Variants in NOL4L observed in about 807,000 individuals in gnomAD.
NOL4L encodes nucleolar protein 4 like.
A neutral mutation model predicts 64.5 loss-of-function variants in NOL4L; 7 were observed. That is an observed-to-expected ratio of 0.11 (90% CI 0.06 to 0.20). The LOEUF (loss-of-function observed/expected upper bound fraction) is 0.20. Ranked by LOEUF, NOL4L falls within the 10% of genes least tolerant of loss-of-function variation. The pLI is 1.00. For synonymous variants in NOL4L, 413 were observed against 401.0 expected, an observed-to-expected ratio of 1.03 and a Z score of -0.36; for missense variants, 680 against 967.1, an observed-to-expected ratio of 0.70 and a Z score of 3.94.
rs1319887931 is a variant in NOL4L, at chr20:32,545,931, CT to C, written c.322-18019del. On this transcript the variant is annotated intron_variant, in intron 1 of 10. Coordinates refer to ENST00000621426, the MANE Select transcript of NOL4L (RefSeq NM_001256798.2). ...TTTACAAGACACTTAGGTTGTAATT[CT>C]TTTTTTTTCTTTCTTTTCTTTTTTT... Among the ~76,000 whole-genome samples the C allele has an allele frequency of 4.6e-3, 685 of 147,802 alleles. 9 individuals carry two copies. The highest frequency in any genetic ancestry group is 0.016 in the African/African-American group (646 of 39,434).
intron 4 of NOL4L, among the ~76,000 whole-genome samples, chr20:32,507,382 A>G (rs913047164): frequency 1.3e-5 from 2 of 152,170 alleles, no homozygotes; most frequent in Admixed American, 1.3e-4. Context: ...TGAGGACACT[A>G]TAAATATTGG....
In NOL4L at chr20:32,529,826, A is replaced by G. The variant is rs568915512; in HGVS notation, c.322-1913T>C. Among the ~76,000 whole-genome samples, 3 of 152,318 alleles carry G rather than the reference A, an allele frequency of 2.0e-5. No homozygotes were observed. The East Asian group carries it at 5.8e-4, about 29-fold the overall frequency. On this transcript the variant is annotated intron_variant, in intron 1 of 10. Coordinates refer to ENST00000621426, the MANE Select transcript of NOL4L (RefSeq NM_001256798.2). Reference sequence around the variant, plus strand: ...ATCTCTCTCTCTCTGTGTGTACAGGAGAAGCCACTTGCTGGTCCAGCTTCC... The same window carrying G: ...ATCTCTCTCTCTCTGTGTGTACAGGGGAAGCCACTTGCTGGTCCAGCTTCC...
intron 10 of NOL4L, among the ~76,000 whole-genome samples, chr20:32,450,764 C>T (rs1299064218): frequency 1.3e-5 from 2 of 152,170 alleles, no homozygotes; most frequent in African/African-American, 4.8e-5. Context: ...CTGCTGAGCC[C>T]CAGACCCCCA....
Position 32,446,659 on chromosome 20 carries a change from G to GCTCT in NOL4L, c.*933_*936dup, listed in dbSNP as rs1411179991. On this transcript the variant is annotated 3_prime_UTR_variant, in exon 11 of 11. Coordinates refer to ENST00000621426, the MANE Select transcript of NOL4L (RefSeq NM_001256798.2). Reference sequence around the variant, plus strand: ...TGCAGTGGCTGGTTAGGGACAGGACGCTCTCTGGGTTCCAGCTCCTGGACA... The same window carrying GCTCT: ...TGCAGTGGCTGGTTAGGGACAGGACGCTCTCTCTCTGGGTTCCAGCTCCTGGACA... 1 of 153,776 alleles carries GCTCT rather than the reference G, an allele frequency of 6.5e-6. No homozygotes were observed. Among genetic ancestry groups the GCTCT allele is most frequent in the Non-Finnish European group, 1.4e-5 (1 of 69,074 alleles). The allele number at this position is 153,776 out of a possible 1,614,324, so 9.5% of individuals were successfully genotyped here.
At chr20:32,482,472 A>G (rs1420137942) in intron 4 of NOL4L, among the ~76,000 whole-genome samples, 1 of 152,096 alleles carries the variant, frequency 6.6e-6, no homozygotes, top group Non-Finnish European at 1.5e-5. Flanking sequence ...GGCTGGAATA[A>G]AAATGCGGAT....
chr20:32,528,210 G>A (rs963100009), intron 1 of NOL4L, among the ~76,000 whole-genome samples: 5 of 152,204 alleles, frequency 3.3e-5, no homozygotes, highest in Non-Finnish European at 5.9e-5. Context: ...AGACTCGGGC[G>A]GGGAGCTCTT....
chr20:32,491,641 C>T (rs905476044), intron 4 of NOL4L, among the ~76,000 whole-genome samples: 2 of 152,142 alleles, frequency 1.3e-5, no homozygotes, highest in East Asian at 1.9e-4. Flanking sequence ...CAGAATGAAG[C>T]GGGCCATCCT....
rs568280313 is a variant in NOL4L at position 32,475,286 on chromosome 20, A to G, written c.700-544T>C. On this transcript the variant is annotated intron_variant, in intron 4 of 10. Transcript: ENST00000621426. ...GACGTTTCTGTCTTCCTCCTTCCTA[A>G]CCTTTGCTGTGCTTCAAAGATACGC... The G allele has an allele frequency of 2.5e-5, 25 of 985,324 alleles. No individual in the cohort carries two copies. In the African/African-American group the frequency reaches 3.8e-4, roughly 15 times the overall value. The allele number at this position is 985,324 out of a possible 1,614,324, so 61.0% of individuals were successfully genotyped here.
chr20:32,500,119 TA>T (rs2016858271), intron 4 of NOL4L, among the ~76,000 whole-genome samples: 2 of 152,098 alleles, frequency 1.3e-5, no homozygotes. Flanking sequence ...AAAATGAAAA[TA>T]AAAACATGTA....
At chr20:32,544,185 G>A (rs1439402508) in intron 1 of NOL4L, among the ~76,000 whole-genome samples, 1 of 152,034 alleles carries the variant, frequency 6.6e-6, no homozygotes, top group Non-Finnish European at 1.5e-5. Context: ...GAGAAGAAGG[G>A]GTGAGAGAGA....
chr20:32,474,075 C>G (rs931256604), intron 5 of NOL4L, among the ~76,000 whole-genome samples: 4 of 152,248 alleles, frequency 2.6e-5, no homozygotes, highest in South Asian at 4.1e-4. Context: ...TGCGCGGAGG[C>G]GGTCAGGGCT....
intron 5 of NOL4L, among the ~76,000 whole-genome samples, chr20:32,459,784 T>C (rs541806783): frequency 2.6e-5 from 4 of 152,190 alleles, no homozygotes; most frequent in Non-Finnish European, 5.9e-5. Flanking sequence ...TCCTCCCACT[T>C]TGGCCTCTCA....
chr20:32,514,882 GGTGA>G (rs2017581448), intron 3 of NOL4L, among the ~76,000 whole-genome samples: 1 of 152,154 alleles, frequency 6.6e-6, no homozygotes, highest in East Asian at 1.9e-4. Context: ...TAAGCACCAT[GGTGA>G]GTGTGACATC....
At chr20:32,531,714 T>G (rs538973396) in intron 1 of NOL4L, among the ~76,000 whole-genome samples, 1 of 152,152 alleles carries the variant, frequency 6.6e-6, no homozygotes, top group Non-Finnish European at 1.5e-5. Context: ...AAAGTGCTAG[T>G]TGGATGTTCC....
intron 1 of NOL4L, among the ~76,000 whole-genome samples, chr20:32,530,268 G>A (rs6119259): frequency 0.018 from 2,723 of 152,314 alleles, 29 homozygotes; most frequent in African/African-American, 0.031. Context: ...TTGGCTGGGC[G>A]CGGTGGCTCA....
At chr20:32,567,945 CCAT>C (rs1341887538) in intron 1 of NOL4L, among the ~76,000 whole-genome samples, 9 of 151,824 alleles carry the variant, frequency 5.9e-5, no homozygotes, top group Non-Finnish European at 7.4e-5. Context: ...ATCACCATCA[CCAT>C]CATCTTCATC....
chr20:32,535,475 T>C, intron 1 of NOL4L: 1 of 486,014 alleles, frequency 2.1e-6, no homozygotes, highest in Non-Finnish European at 2.7e-6. Context: ...CTCCAACTGT[T>C]AGCGCGTAGC....
chr20:32,496,679 T>TC (rs2016701336), intron 4 of NOL4L, among the ~76,000 whole-genome samples: 3 of 151,912 alleles, frequency 2.0e-5, no homozygotes, highest in African/African-American at 7.3e-5. Context: ...GCCTCCCGAG[T>TC]AGCTGGAACT....
intron 1 of NOL4L, chr20:32,535,597 G>A (rs1332872600): frequency 1.0e-6 from 1 of 985,378 alleles, no homozygotes; most frequent in Non-Finnish European, 1.2e-6. Flanking sequence ...AAATCACGCT[G>A]GGGACCAAAA....
Sources: allele counts gnomAD v4.1 joint callset (sites outside exome capture counted in the v4.1 genomes callset), GRCh38; gene constraint gnomAD v4.1.1; transcripts MANE v1.5; gene names NCBI Gene and HGNC (gene_info 2026-07-23, HGNC 2026-07-21).